Variants in LITAFD observed in about 807,000 individuals in gnomAD.
The protein encoded by LITAFD is LITAF domain containing, also known as lITAF domain-containing protein.
exon 1 of LITAFD, chr16:8,882,501 T>G (rs1451458889): frequency 6.6e-6 from 1 of 152,428 alleles, no homozygotes; most frequent in Non-Finnish European, 1.5e-5. Context: ...CAGGATGGAA[T>G]CATCCCCGGG....
chr16:8,883,008 G>GT (rs1433550917), intron 1 of LITAFD, among the ~76,000 whole-genome samples: 5 of 152,074 alleles, frequency 3.3e-5, no homozygotes, highest in Non-Finnish European at 7.4e-5. Context: ...GCTAATTTTT[G>GT]TATTTGTAGT....
At chr16:8,884,095 C>CT (rs1314158474) in intron 2 of LITAFD, among the ~76,000 whole-genome samples, 1 of 152,060 alleles carries the variant, frequency 6.6e-6, no homozygotes, top group Non-Finnish European at 1.5e-5. Flanking sequence ...AAAAAGCACC[C>CT]TTAGAGCCCA....
At chr16:8,884,714 G>A (rs1258423069) in intron 3 of LITAFD, among the ~76,000 whole-genome samples, 26 of 152,152 alleles carry the variant, frequency 1.7e-4, no homozygotes, top group Admixed American at 1.7e-3. Context: ...GGACACCCAC[G>A]GCAGCTGCTG....
chr16:8,882,685 G>A (rs2061546825), intron 1 of LITAFD, 175 bp downstream of exon 1: 1 of 152,424 alleles, frequency 6.6e-6, no homozygotes. Flanking sequence ...GGGGGCCACG[G>A]AACCCAATAG....
rs142523095 is a variant in LITAFD, at chr16:8,885,250, G to T, written c.174G>T (p.Ser58=). The stretch of plus-strand genomic sequence containing the variant: ...GGAGCCTAATGGACGTGAAGCACTC[G>T]TGTCCCGTGTGTCAGCGCGAGCTCT... The change falls in exon 4 of 4, where the codon TCG becomes TCT. Residue 58 remains serine (S), a synonymous_variant. Transcript: ENST00000636296. The T allele has an allele frequency of 6.5e-5, 26 of 399,116 alleles. No individual in the cohort carries two copies. In the South Asian group the frequency reaches 2.9e-3, roughly 45 times the overall value. The allele number at this position is 399,116 out of a possible 1,614,324, so 24.7% of individuals were successfully genotyped here.
At chr16:8,885,124 G>A in intron 3 of LITAFD, 63 bp from the exon 4 acceptor site, 1 of 399,220 alleles carries the variant, frequency 2.5e-6, no homozygotes, top group Non-Finnish European at 4.4e-6. Flanking sequence ...TGGGTCCCAG[G>A]TGCGTCCAGC....
chr16:8,882,697 G>A (rs76553093), intron 1 of LITAFD, 187 bp downstream of exon 1: 6,721 of 152,516 alleles, frequency 0.044, 205 homozygotes, highest in Middle Eastern at 0.15. Context: ...ACCCAATAGA[G>A]ACCATTGGGC....
chr16:8,882,733 C>G (rs2061547121), intron 1 of LITAFD: 1 of 152,288 alleles, frequency 6.6e-6, no homozygotes, highest in African/African-American at 2.4e-5. Flanking sequence ...GTGCTGTACT[C>G]TCCCTTAAAG....
exon 1 of LITAFD, chr16:8,882,449 C>G (rs376415262): frequency 2.0e-5 from 3 of 152,646 alleles, no homozygotes; most frequent in East Asian, 3.9e-4. Flanking sequence ...GAACACGGTG[C>G]TGCCCAGGCA....
intron 2 of LITAFD, among the ~76,000 whole-genome samples, chr16:8,883,713 G>C (rs1451655229): frequency 6.6e-6 from 1 of 152,194 alleles, no homozygotes; most frequent in African/African-American, 2.4e-5. Flanking sequence ...TCCAGATTCA[G>C]AACTGCTGGG....
intron 3 of LITAFD, 60 bp downstream of exon 3, chr16:8,884,525 TG>T: frequency 6.4e-6 from 1 of 157,160 alleles, no homozygotes. Flanking sequence ...TGGGTCCGGG[TG>T]GGTCCCTGCA....
At chr16:8,883,845 G>A (rs1019445391) in intron 2 of LITAFD, among the ~76,000 whole-genome samples, 5 of 152,116 alleles carry the variant, frequency 3.3e-5, no homozygotes, top group Admixed American at 6.5e-5. Context: ...CAGGTGGATC[G>A]CATGAGGTCA....
At chr16:8,882,510 G>C (rs2061545896) in exon 1 of LITAFD, 1 of 152,486 alleles carries the variant, frequency 6.6e-6, no homozygotes, top group African/African-American at 2.4e-5. Context: ...ATCATCCCCG[G>C]GTGAGGGCTC....
intron 2 of LITAFD, among the ~76,000 whole-genome samples, chr16:8,884,057 T>G (rs2061553757): frequency 6.6e-6 from 1 of 152,020 alleles, no homozygotes; most frequent in Admixed American, 6.6e-5. Flanking sequence ...AGAGTGAGAC[T>G]CCGTCTCCAA....
chr16:8,884,557 G>C, intron 3 of LITAFD, 92 bp downstream of exon 3: 1 of 398,014 alleles, frequency 2.5e-6, no homozygotes, highest in African/African-American at 2.1e-5. Context: ...AGCTTTCGGG[G>C]AAAATAGCAG....
chr16:8,885,135 G>A (rs1409503670), intron 3 of LITAFD, 52 bp from the exon 4 acceptor site: 2 of 399,212 alleles, frequency 5.0e-6, no homozygotes, highest in African/African-American at 2.1e-5. Context: ...TGCGTCCAGC[G>A]TACAGTGAGA....
intron 2 of LITAFD, 71 bp from the exon 3 acceptor site, chr16:8,884,252 T>C (rs2061554502): frequency 5.1e-6 from 2 of 395,762 alleles, no homozygotes. Flanking sequence ...CGACAGCCCA[T>C]GGGAATTGAG....
At chr16:8,885,118 T>C in intron 3 of LITAFD, 69 bp from the exon 4 acceptor site, 1 of 399,158 alleles carries the variant, frequency 2.5e-6, no homozygotes, top group Non-Finnish European at 4.4e-6. Flanking sequence ...TCTGCCTGGG[T>C]CCCAGGTGCG....
intron 2 of LITAFD, 28 bp from the exon 3 acceptor site, chr16:8,884,295 A>G (rs2061554757): frequency 5.0e-6 from 2 of 398,800 alleles, no homozygotes; most frequent in Admixed American, 8.8e-5. Flanking sequence ...GGGGGGTCCC[A>G]CCTGCTTCCC....
Sources: allele counts gnomAD v4.1 joint callset (sites outside exome capture counted in the v4.1 genomes callset), GRCh38; gene constraint gnomAD v4.1.1; transcripts MANE v1.5; gene names NCBI Gene and HGNC (gene_info 2026-07-23, HGNC 2026-07-21).